TMEM217: variants seen among roughly 807,000 people sequenced by gnomAD.
TMEM217 encodes chromosome 6 open reading frame 128.
For synonymous variants in TMEM217, 76 were observed against 88.3 expected, an observed-to-expected ratio of 0.86 and a Z score of 0.78; for missense variants, 204 against 248.8, an observed-to-expected ratio of 0.82 and a Z score of 1.21.
intron 1 of TMEM217, among the ~76,000 whole-genome samples, chr6:37,230,780 CAGTTAAG>C (rs1764158934): frequency 6.6e-6 from 1 of 152,112 alleles, no homozygotes. Flanking sequence ...CTGCTTAACA[CAGTTAAG>C]CAGAACAGCC....
chr6:37,251,154 T>C (rs1367109273), intron 1 of TMEM217, among the ~76,000 whole-genome samples: 6 of 152,246 alleles, frequency 3.9e-5, no homozygotes, highest in Non-Finnish European at 8.8e-5. Flanking sequence ...AATAAATGTC[T>C]GCTGTTTACA....
intron 1 of TMEM217, among the ~76,000 whole-genome samples, chr6:37,236,508 G>A (rs1309606194): frequency 6.6e-6 from 1 of 151,870 alleles, no homozygotes; most frequent in African/African-American, 2.4e-5. Context: ...AAAATGCAAG[G>A]GAATAATAGG....
In TMEM217 at chr6:37,257,774, A is replaced by G. The variant is rs1159923944; in HGVS notation, c.-218T>C. The G allele has an allele frequency of 4.5e-6, 4 of 883,106 alleles. No individual in the cohort carries two copies. In the East Asian group the frequency reaches 1.1e-4, roughly 24 times the overall value. The allele number at this position is 883,106 out of a possible 1,614,324, so 54.7% of individuals were successfully genotyped here. A position where few individuals can be genotyped will look rare whatever the true frequency, so the allele number is the denominator to read the frequency against. On this transcript the variant is annotated 5_prime_UTR_variant, in exon 1 of 2. The change abolishes an upstream ATG in the 5' untranslated region. Transcript: ENST00000357219. The stretch of plus-strand genomic sequence containing the variant: ...CGGTGCTGGGTGGAGGGGTGCCCAC[A>G]TCCAAGATGGCGTCCCCAGGAGCTG...
At chr6:37,255,304 G>C (rs1424837534) in intron 1 of TMEM217, among the ~76,000 whole-genome samples, 1 of 152,136 alleles carries the variant, frequency 6.6e-6, no homozygotes, top group African/African-American at 2.4e-5. Flanking sequence ...GGTCTTTAAG[G>C]AGCTTGGATT....
chr6:37,218,148 A>G lies in TMEM217; in HGVS notation c.*274T>C, dbSNP rs1763319280. 4 of 1,128,838 alleles carry G rather than the reference A, an allele frequency of 3.5e-6. No individual in the cohort carries two copies. The South Asian group carries it at 1.2e-4, about 34-fold the overall frequency. The allele number at this position is 1,128,838 out of a possible 1,614,324, so 69.9% of individuals were successfully genotyped here. On this transcript the variant is annotated 3_prime_UTR_variant, in exon 2 of 2. Coordinates refer to ENST00000357219, the Ensembl canonical transcript of TMEM217. Reference sequence around the variant, plus strand: ...GAAAAGGGCCAACATGATTGCTTATAGTGGTGGATAAAGCTGCTAACTTTT... The same window carrying G: ...GAAAAGGGCCAACATGATTGCTTATGGTGGTGGATAAAGCTGCTAACTTTT...
chr6:37,218,043 A>C, exon 2 of TMEM217: 1 of 999,222 alleles, frequency 1.0e-6, no homozygotes, highest in Non-Finnish European at 1.2e-6. Context: ...CTCTACTTGC[A>C]GAACTGCTAA....
exon 1 of TMEM217, chr6:37,257,989 T>G (rs756764309): frequency 6.2e-7 from 1 of 1,613,688 alleles, no homozygotes; most frequent in African/African-American, 1.3e-5. Context: ...CCCAGGACGC[T>G]GAGAGGGATA....
chr6:37,245,804 C>CTT (rs59353140), intron 1 of TMEM217, among the ~76,000 whole-genome samples: 2 of 143,650 alleles, frequency 1.4e-5, no homozygotes, highest in African/African-American at 5.4e-5. Flanking sequence ...TTCTTTCTTT[C>CTT]TTTTTTTTTT....
At chr6:37,250,704 C>T (rs1382899143) in intron 1 of TMEM217, among the ~76,000 whole-genome samples, 1 of 152,206 alleles carries the variant, frequency 6.6e-6, no homozygotes, top group African/African-American at 2.4e-5. Flanking sequence ...CGTGTGCACG[C>T]ACACACACAC....
At chr6:37,256,454 A>G (rs1765735952) in intron 1 of TMEM217, among the ~76,000 whole-genome samples, 1 of 152,212 alleles carries the variant, frequency 6.6e-6, no homozygotes, top group Non-Finnish European at 1.5e-5. Flanking sequence ...AGAGAAAGGC[A>G]AGTAAAATAA....
At chr6:37,226,694 T>C (rs1217572354) in intron 1 of TMEM217, among the ~76,000 whole-genome samples, 2 of 152,162 alleles carry the variant, frequency 1.3e-5, no homozygotes, top group African/African-American at 4.8e-5. Context: ...CCTGAGTAGC[T>C]GGGATTACAG....
intron 1 of TMEM217, among the ~76,000 whole-genome samples, chr6:37,220,105 TAGA>T (rs1422988917): frequency 6.6e-6 from 1 of 152,026 alleles, no homozygotes; most frequent in Non-Finnish European, 1.5e-5. Context: ...AGAAAATAAA[TAGA>T]AGCGCGTAAG....
intron 1 of TMEM217, among the ~76,000 whole-genome samples, chr6:37,244,826 C>T (rs1178943229): frequency 2.6e-5 from 4 of 152,200 alleles, no homozygotes; most frequent in Admixed American, 2.0e-4. Flanking sequence ...TGTCTGAGGT[C>T]AACTGTTGGT....
chr6:37,231,457 G>A (rs2113857562), intron 1 of TMEM217, among the ~76,000 whole-genome samples: 1 of 150,558 alleles, frequency 6.6e-6, no homozygotes, highest in East Asian at 2.0e-4. Flanking sequence ...GGCGGATCAT[G>A]AGGTCAGGAG....
exon 2 of TMEM217, chr6:37,217,919 GT>G: frequency 1.0e-5 from 10 of 986,046 alleles, no homozygotes; most frequent in Non-Finnish European, 1.2e-5. Context: ...GTTCACAGAA[GT>G]TTTGATAAAT....
chr6:37,256,540 G>A (rs568553648), intron 1 of TMEM217, among the ~76,000 whole-genome samples: 3 of 152,288 alleles, frequency 2.0e-5, no homozygotes, highest in African/African-American at 7.2e-5. Flanking sequence ...TAGCATGAAA[G>A]ACTCAGAGGA....
At chr6:37,235,841 G>C (rs899118961) in intron 1 of TMEM217, among the ~76,000 whole-genome samples, 2 of 152,142 alleles carry the variant, frequency 1.3e-5, no homozygotes, top group Non-Finnish European at 2.9e-5. Context: ...CTTTTATAAA[G>C]CACTAACCCA....
chr6:37,239,804 G>A (rs929800387), intron 1 of TMEM217, among the ~76,000 whole-genome samples: 3 of 151,482 alleles, frequency 2.0e-5, no homozygotes, highest in Admixed American at 6.6e-5. Flanking sequence ...CATCTATATC[G>A]GTTAAGATCC....
chr6:37,218,192 C>T (rs868728495), exon 2 of TMEM217: 1 of 1,116,394 alleles, frequency 9.0e-7, no homozygotes, highest in Non-Finnish European at 1.1e-6. Flanking sequence ...TTTTGGGGGA[C>T]AGAGTCTTAC....
Sources: gnomAD v4.1 joint callset for allele counts (sites outside exome capture counted in the v4.1 genomes callset) on GRCh38, gnomAD v4.1.1 for gene constraint, MANE v1.5 for transcripts, NCBI Gene and HGNC (gene_info 2026-07-23, HGNC 2026-07-21) for gene names.